PCDHA8: variants seen among roughly 807,000 people sequenced by gnomAD.
PCDHA8 encodes the protein protocadherin alpha-8.
In PCDHA8, 53 loss-of-function variants were observed where a neutral mutation model predicts 61.8. The ratio of observed to expected loss-of-function variants is 0.86; its 90% CI spans 0.69 to 1.08. The LOEUF is 1.08. Among genes scored for constraint, PCDHA8 ranks in the 50% least tolerant of loss-of-function variants. The pLI, the probability that PCDHA8 is intolerant of heterozygous loss-of-function variation, is 0.00. For synonymous variants in PCDHA8, 618 were observed against 556.6 expected (o/e 1.11, Z -1.55); for missense variants, 1,293 against 1,245.0 (o/e 1.04, Z -0.58).
chr5:140,848,504 C>T (rs1554142138), intron 1 of PCDHA8: 4 of 1,587,366 alleles, frequency 2.5e-6, no homozygotes, highest in African/African-American at 2.7e-5. Flanking sequence ...AAATGTTATA[C>T]TCAAGTCGAG....
At chr5:140,866,935 T>C (rs782742299) in intron 1 of PCDHA8, 3 of 152,114 alleles carry the variant, frequency 2.0e-5, no homozygotes, top group African/African-American at 4.8e-5. Context: ...GCGCATAATC[T>C]CTTCACTAGG....
intron 1 of PCDHA8, chr5:140,862,842 G>A (rs1554157108): frequency 1.7e-6 from 1 of 572,982 alleles, no homozygotes. Flanking sequence ...CGGGCATGCC[G>A]CCTCTGAGCA....
chr5:140,849,038 C>A, intron 1 of PCDHA8: 2 of 1,575,008 alleles, frequency 1.3e-6, no homozygotes, highest in Non-Finnish European at 1.7e-6. Context: ...TCTTCCTGGA[C>A]GTGCCAACCA....
intron 1 of PCDHA8, among the ~76,000 whole-genome samples, chr5:140,900,338 C>T (rs145242611): frequency 0.027 from 4,159 of 152,082 alleles, 89 homozygotes; most frequent in Non-Finnish European, 0.044. Flanking sequence ...AGTACCGTGG[C>T]GCAATCTTGG....
chr5:140,996,283 C>T (rs2097719869), intron 3 of PCDHA8, among the ~76,000 whole-genome samples: 1 of 152,172 alleles, frequency 6.6e-6, no homozygotes, highest in African/African-American at 2.4e-5. Context: ...TGCCAAATTT[C>T]AAGAAGCACA....
intron 1 of PCDHA8, chr5:140,883,514 G>C (rs2059648914): frequency 1.2e-6 from 2 of 1,614,220 alleles, no homozygotes; most frequent in Non-Finnish European, 1.7e-6. Context: ...CCTGGACCGC[G>C]AGAGCGTATC....
chr5:140,870,124 G>A, intron 1 of PCDHA8: 1 of 1,613,940 alleles, frequency 6.2e-7, no homozygotes, highest in Non-Finnish European at 8.5e-7. Context: ...GGAAATCTTG[G>A]ACACCAACGA....
Position 141,010,190 on chromosome 5 carries a change from C to G in PCDHA8, c.*253C>G. On this transcript the variant is annotated 3_prime_UTR_variant, in exon 4 of 4. Transcript: ENST00000531613. ...GAACCTAAAAAGCAGACCCAAGTTT[C>G]CTTTCTCCTCCGCCGCAAAGGAGAG... 1 of 1,552,504 alleles carries G rather than the reference C, an allele frequency of 6.4e-7. No individual in the cohort carries two copies. Among genetic ancestry groups the G allele is most frequent in the East Asian group, 2.4e-5 (1 of 40,930 alleles).
Position 140,845,550 on chromosome 5 carries a change from G to A in PCDHA8, c.2394+1835G>A, listed in dbSNP as rs185907796. Among the ~76,000 whole-genome samples, 15 of 149,478 alleles carry A rather than the reference G, an allele frequency of 1.0e-4. 1 individual carries two copies. Among genetic ancestry groups the A allele is most frequent in the Non-Finnish European group, 1.3e-4 (9 of 66,770 alleles). On this transcript the variant is annotated intron_variant, in intron 1 of 3. Coordinates refer to ENST00000531613, the MANE Select transcript of PCDHA8 (RefSeq NM_018911.3). ...TTTTCACTATTCTAATTATGGTGAT[G>A]CTTTTAGCTATTAAGAATTTCTGGG...
At chr5:140,857,095 G>T (rs1253933979) in intron 1 of PCDHA8, 2 of 1,597,378 alleles carry the variant, frequency 1.3e-6, no homozygotes, top group Admixed American at 1.7e-5. Context: ...CACCTGAGGT[G>T]ATTGTCACTT....
At position 140,851,390 on chromosome 5, in the gene PCDHA8, C is replaced by A. The variant is rs1410826615; in HGVS notation, c.2394+7675C>A. The A allele has an allele frequency of 2.3e-5, 22 of 973,626 alleles. 2 individuals are homozygous for A. In the African/African-American group the frequency reaches 3.7e-4, roughly 16 times the overall value. The allele number at this position is 973,626 out of a possible 1,614,324, so 60.3% of individuals were successfully genotyped here. A position where few individuals can be genotyped will look rare whatever the true frequency, so the allele number is the denominator to read the frequency against. On this transcript the variant is annotated intron_variant, in intron 1 of 3. Transcript: ENST00000531613. ...CTGATTGTTCAGCAACCTTCAGTAT[C>A]TATTATTTTAATAAGAAAGAAACTT...
In PCDHA8 at chr5:140,847,506, T is replaced by C. The variant is rs1397904253; in HGVS notation, c.2394+3791T>C. ...GATAGTAAAACTCACAACAAAACTT[T>C]GTAGAACTTAGTCAGGAAAAGAATC... On this transcript the variant is annotated intron_variant, in intron 1 of 3. Transcript: ENST00000531613. 2.0e-5 allele frequency: 3 copies of C among 149,790 alleles called. No individual in the cohort carries two copies. The Admixed American group carries it at 2.0e-4, about 10-fold the overall frequency. The allele number at this position is 149,790 out of a possible 1,614,324, so 9.3% of individuals were successfully genotyped here. A position where few individuals can be genotyped will look rare whatever the true frequency, so the allele number is the denominator to read the frequency against.
chr5:140,875,356 G>C (rs2055432006), intron 1 of PCDHA8: 5 of 1,446,352 alleles, frequency 3.5e-6, no homozygotes, highest in Admixed American at 5.7e-5. Context: ...TGACTGTGAT[G>C]CTGGAAAAAA....
At chr5:140,948,245 A>G (rs1554218500) in intron 1 of PCDHA8, among the ~76,000 whole-genome samples, 2 of 151,606 alleles carry the variant, frequency 1.3e-5, no homozygotes, top group African/African-American at 4.8e-5. Flanking sequence ...TTTAGTAAAT[A>G]TTTTTACATC....
At chr5:140,881,335 C>A in intron 1 of PCDHA8, 1 of 984,916 alleles carries the variant, frequency 1.0e-6, no homozygotes, top group Non-Finnish European at 1.2e-6. Context: ...ACCAGGACGC[C>A]GATTCGGGCT....
At chr5:140,882,201 C>T in intron 1 of PCDHA8, 1 of 1,528,460 alleles carries the variant, frequency 6.5e-7, no homozygotes, top group Non-Finnish European at 8.8e-7. Context: ...AAAATTGGGC[C>T]TTGAGAGACA....
chr5:140,893,781 G>A (rs113070458), intron 1 of PCDHA8, among the ~76,000 whole-genome samples: 3 of 151,996 alleles, frequency 2.0e-5, no homozygotes, highest in African/African-American at 4.8e-5. Flanking sequence ...TTCTTTTACC[G>A]TTTTTAGAAT....
At chr5:140,954,592 T>G (rs1250050362) in intron 1 of PCDHA8, among the ~76,000 whole-genome samples, 13 of 152,236 alleles carry the variant, frequency 8.5e-5, no homozygotes, top group Non-Finnish European at 5.9e-5. Flanking sequence ...TCTGTTCATG[T>G]TCTTTGCCCA....
rs374659815 is a variant in PCDHA8 at position 140,871,353 on chromosome 5, G to A, written c.2394+27638G>A. 3.6e-5 allele frequency: 58 copies of A among 1,614,214 alleles called. No homozygotes were observed. The African/African-American group carries it at 5.1e-4, about 14-fold the overall frequency. ...GCGCGGTGGGGAGCTGGTCATACTC[G>A]CAGCAGAGGCGGCAGAGGGTGTGCT... On this transcript the variant is annotated intron_variant, in intron 1 of 3. Coordinates refer to ENST00000531613, the MANE Select transcript of PCDHA8 (RefSeq NM_018911.3).
Sources: gnomAD v4.1 joint callset for allele counts (sites outside exome capture counted in the v4.1 genomes callset) on GRCh38, gnomAD v4.1.1 for gene constraint, MANE v1.5 for transcripts, NCBI Gene and HGNC (gene_info 2026-07-23, HGNC 2026-07-21) for gene names.